Variants in EYS observed in about 807,000 individuals in gnomAD.
EYS encodes protein eyes shut homolog.
EYS carries 250 observed loss-of-function variants against 282.1 expected under a neutral mutation model. The observed-to-expected ratio is 0.89, with a 90% CI of 0.80 to 0.98. The LOEUF (loss-of-function observed/expected upper bound fraction) is 0.98. Among genes scored for constraint, EYS ranks in the 50% least tolerant of loss-of-function variants. The pLI, the probability that EYS is intolerant of heterozygous loss-of-function variation, is 0.00. For missense variants in EYS, 4,016 were observed against 3,709.0 expected (o/e 1.08, Z -2.15); for synonymous variants, 1,355 against 1,282.9 (o/e 1.06, Z -1.20).
At chr6:65,593,055 G>A (rs1378848546) in intron 2 of EYS, among the ~76,000 whole-genome samples, 2 of 152,066 alleles carry the variant, frequency 1.3e-5, no homozygotes, top group South Asian at 2.1e-4. Flanking sequence ...ATTACCCCTA[G>A]GTGGGCTAGG....
intron 30 of EYS, among the ~76,000 whole-genome samples, chr6:64,246,018 CAAAAAAAAAAAAA>C (rs60121734): frequency 1.8e-4 from 10 of 56,200 alleles, no homozygotes; most frequent in Non-Finnish European, 2.5e-4. Flanking sequence ...AACTCCGTCT[CAAAAAAAAAAAAA>C]AAAAAAAAAA....
intron 11 of EYS, among the ~76,000 whole-genome samples, chr6:65,296,366 C>T (rs1257984150): frequency 2.0e-5 from 3 of 151,784 alleles, no homozygotes; most frequent in Non-Finnish European, 2.9e-5. Context: ...ACATATTCTG[C>T]CACTTAATTG....
chr6:64,037,850 T>C lies in EYS; in HGVS notation c.6725+28488A>G, dbSNP rs149147515. ...ACACAGAAGGGTTTAATTTATTGAA[T>C]GATATTTTATTAGTTCAGATGAGTT... is the stretch of plus-strand genomic sequence containing the variant. On this transcript the variant is annotated intron_variant, in intron 33 of 42. Coordinates refer to ENST00000503581, the MANE Select transcript of EYS (RefSeq NM_001142800.2). Among the ~76,000 whole-genome samples the C allele has an allele frequency of 6.2e-3, 945 of 152,324 alleles. 11 individuals carry two copies. Among genetic ancestry groups the C allele is most frequent in the African/African-American group, 0.021 (890 of 41,582 alleles).
intron 18 of EYS, among the ~76,000 whole-genome samples, chr6:64,891,412 C>T (rs74398867): frequency 1.4e-3 from 215 of 152,070 alleles, no homozygotes; most frequent in African/African-American, 4.6e-3. Context: ...TGCTCTCTTC[C>T]CGCTCCCTGT....
chr6:64,917,857 T>C (rs2209035), intron 15 of EYS, among the ~76,000 whole-genome samples: 108,918 of 151,944 alleles, frequency 0.72, 40,048 homozygotes, highest in African/African-American at 0.89. Flanking sequence ...TTTCCTGCAA[T>C]CATTACATAT....
chr6:65,406,728 T>C (rs1338391923), intron 5 of EYS, among the ~76,000 whole-genome samples: 2 of 152,146 alleles, frequency 1.3e-5, no homozygotes, highest in East Asian at 1.9e-4. Context: ...TGACCTATTA[T>C]ATGCCTTTTT....
chr6:64,759,895 A>G (rs924156843), intron 22 of EYS, among the ~76,000 whole-genome samples: 1 of 152,202 alleles, frequency 6.6e-6, no homozygotes, highest in Non-Finnish European at 1.5e-5. Flanking sequence ...GTATGTATTA[A>G]TGCTATAAAA....
chr6:65,092,715 T>A (rs1223590371), intron 12 of EYS, among the ~76,000 whole-genome samples: 1 of 152,162 alleles, frequency 6.6e-6, no homozygotes, highest in African/African-American at 2.4e-5. Flanking sequence ...CTAATTATCT[T>A]TCTGACTGAA....
In EYS at chr6:64,143,356, TAAAAAA is replaced by T. The variant is rs60699526; in HGVS notation, c.6425-61360_6425-61355del. 6.6e-3 allele frequency among the ~76,000 whole-genome samples: 594 copies of T among 89,818 alleles called. 7 individuals carry two copies. The highest frequency in any genetic ancestry group is 0.022 in the African/African-American group (564 of 25,760). 58.9% of individuals were successfully genotyped at this position (89,818 alleles called of 152,430 possible). On this transcript the variant is annotated intron_variant, in intron 31 of 42. Transcript: ENST00000503581. ...TGTGTAAATGCAGGTTCATTTATTG[TAAAAAA>T]AAAAAAAAAAAAAAAAAAAAGTATC...
intron 31 of EYS, among the ~76,000 whole-genome samples, chr6:64,147,601 T>C (rs1774563473): frequency 1.3e-5 from 2 of 152,200 alleles, no homozygotes; most frequent in Admixed American, 1.3e-4. Flanking sequence ...GTTAGATAAT[T>C]CTAAAGTTTA....
At chr6:63,811,952 A>G (rs910484106) in intron 36 of EYS, among the ~76,000 whole-genome samples, 2 of 152,182 alleles carry the variant, frequency 1.3e-5, no homozygotes, top group African/African-American at 4.8e-5. Flanking sequence ...AATACCATCA[A>G]CGTTCAATGC....
chr6:65,030,136 G>A (rs565155237), intron 13 of EYS, among the ~76,000 whole-genome samples: 10 of 152,282 alleles, frequency 6.6e-5, no homozygotes, highest in South Asian at 6.2e-4. Flanking sequence ...CGAAGTGTCT[G>A]TAGCCTTTGA....
At chr6:64,324,416 T>G (rs892010405) in intron 29 of EYS, among the ~76,000 whole-genome samples, 1 of 152,192 alleles carries the variant, frequency 6.6e-6, no homozygotes, top group East Asian at 1.9e-4. Flanking sequence ...TAAAAAAGTT[T>G]CTCATAAAAG....
intron 2 of EYS, among the ~76,000 whole-genome samples, chr6:65,515,594 T>G (rs1382385472): frequency 6.6e-6 from 1 of 151,862 alleles, no homozygotes; most frequent in Non-Finnish European, 1.5e-5. Flanking sequence ...ATATACACCA[T>G]GGAATACCAT....
At chr6:63,829,423 C>A (rs1241376035) in intron 36 of EYS, among the ~76,000 whole-genome samples, 1 of 152,176 alleles carries the variant, frequency 6.6e-6, no homozygotes, top group African/African-American at 2.4e-5. Context: ...ATATCCCACA[C>A]CTGGATTGGA....
At chr6:65,243,359 G>A (rs2150277369) in intron 12 of EYS, among the ~76,000 whole-genome samples, 1 of 152,286 alleles carries the variant, frequency 6.6e-6, no homozygotes, top group Admixed American at 6.5e-5. Flanking sequence ...GCAGAGATCA[G>A]AGTTACTGGT....
intron 29 of EYS, among the ~76,000 whole-genome samples, chr6:64,377,084 A>AATAG (rs745336445): frequency 9.9e-4 from 150 of 151,992 alleles, no homozygotes; most frequent in East Asian, 5.8e-3. Flanking sequence ...TAGCTGGATG[A>AATAG]ATAGATAGAT....
intron 1 of EYS, among the ~76,000 whole-genome samples, chr6:65,647,093 A>C (rs1767478046): frequency 6.6e-6 from 1 of 152,148 alleles, no homozygotes; most frequent in African/African-American, 2.4e-5. Flanking sequence ...TACTGCCAAA[A>C]GCAACCTACA....
intron 12 of EYS, among the ~76,000 whole-genome samples, chr6:65,284,361 A>C (rs1295628766): frequency 6.6e-6 from 1 of 152,124 alleles, no homozygotes; most frequent in Admixed American, 6.6e-5. Context: ...CATATGAAAA[A>C]AGCTACTACT....
Sources: gnomAD v4.1 joint callset for allele counts (sites outside exome capture counted in the v4.1 genomes callset) on GRCh38, gnomAD v4.1.1 for gene constraint, MANE v1.5 for transcripts, NCBI Gene and HGNC (gene_info 2026-07-23, HGNC 2026-07-21) for gene names.